Variants in GRXCR1 observed in about 807,000 individuals in gnomAD.
GRXCR1 encodes the protein glutaredoxin and cysteine rich domain containing 1, also known as glutaredoxin domain-containing cysteine-rich protein 1.
Under a neutral mutation model 27.3 loss-of-function variants are expected in GRXCR1, and 27 were observed. That is an observed-to-expected ratio of 0.99 (90% CI 0.73 to 1.37). The LOEUF is 1.37. Ranked by LOEUF, GRXCR1 falls within the 40% of genes most tolerant of loss-of-function variation. The pLI is 0.00. For synonymous variants in GRXCR1, 122 were observed against 131.1 expected (o/e 0.93, Z 0.47); for missense variants, 379 against 354.4 (o/e 1.07, Z -0.56).
In GRXCR1 at chr4:42,898,267, GT is replaced by G. The variant is rs568098308; in HGVS notation, c.384+4626del. ...GAACATTTGATCTTCATCTAGAAAGGTTTTTTTTTCTGCAGAGTTAAATAGC... is the reference window on the plus strand; with the variant it reads ...GAACATTTGATCTTCATCTAGAAAGGTTTTTTTTCTGCAGAGTTAAATAGC... On this transcript the variant is annotated intron_variant, in intron 1 of 3. Transcript: ENST00000399770. Among the ~76,000 whole-genome samples, 255 of 150,732 alleles carry G rather than the reference GT, an allele frequency of 1.7e-3. 1 individual carries two copies. The highest frequency in any genetic ancestry group is 5.7e-3 in the African/African-American group (235 of 41,088).
chr4:43,014,420 T>G (rs1368457385), intron 2 of GRXCR1, among the ~76,000 whole-genome samples: 2 of 152,162 alleles, frequency 1.3e-5, no homozygotes, highest in Non-Finnish European at 2.9e-5. Flanking sequence ...GCACATCTTT[T>G]GGCAGGCATC....
At chr4:42,980,590 C>T (rs1487872972) in intron 2 of GRXCR1, among the ~76,000 whole-genome samples, 1 of 152,012 alleles carries the variant, frequency 6.6e-6, no homozygotes. Context: ...GTTCCATGTG[C>T]AGTTGAAGAA....
chr4:42,908,290 A>T (rs1293955383), intron 1 of GRXCR1, among the ~76,000 whole-genome samples: 1 of 152,188 alleles, frequency 6.6e-6, no homozygotes, highest in Non-Finnish European at 1.5e-5. Context: ...TGGTACTGAC[A>T]GGTAGTTGTA....
intron 1 of GRXCR1, among the ~76,000 whole-genome samples, chr4:42,962,504 T>C (rs1003540409): frequency 1.1e-4 from 16 of 151,958 alleles, no homozygotes; most frequent in Non-Finnish European, 1.8e-4. Flanking sequence ...AAATGCATTA[T>C]AACCTTGACT....
intron 3 of GRXCR1, among the ~76,000 whole-genome samples, chr4:43,028,970 A>G (rs927740121): frequency 6.6e-6 from 1 of 152,204 alleles, no homozygotes; most frequent in Non-Finnish European, 1.5e-5. Flanking sequence ...GAGTTTAGCC[A>G]TCTTGATATA....
chr4:43,015,736 G>A (rs1176289806), intron 2 of GRXCR1, among the ~76,000 whole-genome samples: 1 of 151,182 alleles, frequency 6.6e-6, no homozygotes, highest in Admixed American at 6.6e-5. Context: ...AGTAAGATGA[G>A]GTGGTTTATG....
chr4:42,914,821 T>C lies in GRXCR1; in HGVS notation c.384+21171T>C, dbSNP rs534232584. ...AAAACTGGGACCAGGTGGAGATAAT[T>C]GAATCATGGGGGCAGTTTCCCCCAT... is the stretch of plus-strand genomic sequence containing the variant. On this transcript the variant is annotated intron_variant, in intron 1 of 3. Transcript: ENST00000399770. Among the ~76,000 whole-genome samples, 3 of 152,236 alleles carry C rather than the reference T, an allele frequency of 2.0e-5. No individual in the cohort carries two copies. In the South Asian group the frequency reaches 6.2e-4, roughly 32 times the overall value.
chr4:42,916,631 C>T (rs1746892593), intron 1 of GRXCR1, among the ~76,000 whole-genome samples: 1 of 152,084 alleles, frequency 6.6e-6, no homozygotes, highest in South Asian at 2.1e-4. Flanking sequence ...GGCATAATAT[C>T]TGAAGGCGCA....
chr4:42,959,305 G>C lies in GRXCR1; in HGVS notation c.385-3587G>C, dbSNP rs1319801585. Reference sequence around the variant, plus strand: ...ATGAACCTAGGGAATATTATGCTAAGTGAAATAAGCCAGGCAGAGAAAGAA... The same window carrying C: ...ATGAACCTAGGGAATATTATGCTAACTGAAATAAGCCAGGCAGAGAAAGAA... On this transcript the variant is annotated intron_variant, in intron 1 of 3. Coordinates refer to ENST00000399770, the MANE Select transcript of GRXCR1 (RefSeq NM_001080476.3). Among the ~76,000 whole-genome samples, 3 of 152,006 alleles carry C rather than the reference G, an allele frequency of 2.0e-5. No individual in the cohort carries two copies. The South Asian group carries it at 6.2e-4, about 32-fold the overall frequency.
chr4:42,990,905 T>C (rs1370980161), intron 2 of GRXCR1, among the ~76,000 whole-genome samples: 1 of 152,140 alleles, frequency 6.6e-6, no homozygotes, highest in Non-Finnish European at 1.5e-5. Flanking sequence ...CATTCAAATA[T>C]TCTGTATTTT....
At chr4:43,005,625 CCA>C (rs1712532195) in intron 2 of GRXCR1, among the ~76,000 whole-genome samples, 1 of 152,130 alleles carries the variant, frequency 6.6e-6, no homozygotes, top group Admixed American at 6.6e-5. Context: ...AGGGTTCAAG[CCA>C]CAGAATTTTG....
intron 2 of GRXCR1, among the ~76,000 whole-genome samples, chr4:42,977,413 A>G (rs768173630): frequency 2.1e-4 from 32 of 151,900 alleles, no homozygotes; most frequent in Non-Finnish European, 4.4e-4. Context: ...CATAATGGCT[A>G]TGTTAATTTA....
At chr4:42,908,800 G>A (rs765336236) in intron 1 of GRXCR1, among the ~76,000 whole-genome samples, 3 of 152,160 alleles carry the variant, frequency 2.0e-5, no homozygotes, top group Non-Finnish European at 2.9e-5. Flanking sequence ...GCAATGAAAG[G>A]CAGACACATT....
At chr4:42,991,148 G>A (rs1711959419) in intron 2 of GRXCR1, among the ~76,000 whole-genome samples, 1 of 151,958 alleles carries the variant, frequency 6.6e-6, no homozygotes, top group Non-Finnish European at 1.5e-5. Context: ...ACAGCTGCCA[G>A]TATTTTATTT....
intron 2 of GRXCR1, among the ~76,000 whole-genome samples, chr4:42,981,399 T>A (rs1386880463): frequency 6.6e-6 from 1 of 152,192 alleles, no homozygotes; most frequent in Admixed American, 6.5e-5. Context: ...TGCATATCCC[T>A]TAAAAATTAT....
At chr4:42,995,609 G>C (rs569110140) in intron 2 of GRXCR1, among the ~76,000 whole-genome samples, 3 of 152,156 alleles carry the variant, frequency 2.0e-5, no homozygotes, top group African/African-American at 7.2e-5. Context: ...GTGGCGTTGA[G>C]AAAAGCCACA....
chr4:42,990,147 C>T (rs1321120982), intron 2 of GRXCR1, among the ~76,000 whole-genome samples: 2 of 134,720 alleles, frequency 1.5e-5, no homozygotes, highest in African/African-American at 5.5e-5. Flanking sequence ...GTTCATTGTG[C>T]AACTTCTTGA....
intron 2 of GRXCR1, among the ~76,000 whole-genome samples, chr4:43,007,294 C>A (rs1252550124): frequency 1.3e-5 from 2 of 151,960 alleles, no homozygotes; most frequent in South Asian, 2.1e-4. Context: ...GTTCTAGGAG[C>A]TAGAAGAAAA....
At chr4:42,918,701 A>C (rs745376820) in intron 1 of GRXCR1, among the ~76,000 whole-genome samples, 2 of 152,108 alleles carry the variant, frequency 1.3e-5, no homozygotes, top group Non-Finnish European at 2.9e-5. Flanking sequence ...TAAGCATCTA[A>C]GTTAACTCAC....
Sources: gnomAD v4.1 joint callset for allele counts (sites outside exome capture counted in the v4.1 genomes callset) on GRCh38, gnomAD v4.1.1 for gene constraint, MANE v1.5 for transcripts, NCBI Gene and HGNC (gene_info 2026-07-23, HGNC 2026-07-21) for gene names.